Variants in NLRC5 observed in about 807,000 individuals in gnomAD.
NLRC5 encodes the protein NLR family CARD domain containing 5, also known as protein NLRC5.
A neutral mutation model predicts 206.9 loss-of-function variants in NLRC5; 114 were observed. That is an observed-to-expected ratio of 0.55 (90% CI 0.47 to 0.64). The LOEUF (loss-of-function observed/expected upper bound fraction) is 0.64, where lower values mean the gene tolerates loss of function less well. Ranked by LOEUF, NLRC5 falls within the 30% of genes least tolerant of loss-of-function variation. The probability of loss-of-function intolerance (pLI) is 0.00; values close to 1 mark genes in which losing one functional copy is unlikely to be tolerated. For synonymous variants in NLRC5, 952 were observed against 962.8 expected (o/e 0.99, Z 0.21); for missense variants, 2,008 against 2,305.5 (o/e 0.87, Z 2.64).
intron 1 of NLRC5, among the ~76,000 whole-genome samples, chr16:56,997,735 C>G (rs138544153): frequency 2.8e-4 from 42 of 152,164 alleles, no homozygotes; most frequent in Middle Eastern, 3.4e-3. Flanking sequence ...CACACGACAC[C>G]ATGCCTGGCT....
intron 1 of NLRC5, chr16:56,991,946 G>C (rs1481679978): frequency 6.6e-6 from 1 of 152,210 alleles, no homozygotes; most frequent in African/African-American, 2.4e-5. Flanking sequence ...TGAAGATGAG[G>C]TCATACTGGA....
intron 16 of NLRC5, among the ~76,000 whole-genome samples, 154 bp downstream of exon 16, chr16:57,040,003 C>T (rs2063083417): frequency 1.3e-5 from 2 of 152,094 alleles, no homozygotes; most frequent in Non-Finnish European, 1.5e-5. Context: ...AAGGATGCAG[C>T]CCCAAAGGGG....
At chr16:57,054,267 A>G (rs1253261799) in intron 24 of NLRC5, among the ~76,000 whole-genome samples, 1 of 152,156 alleles carries the variant, frequency 6.6e-6, no homozygotes, top group Admixed American at 6.5e-5. Flanking sequence ...GAGAGCCCAC[A>G]ACAAAGAATT....
In NLRC5 at chr16:57,041,172, CTGTTT is replaced by C. The variant is rs2063233784; in HGVS notation, c.2940-311_2940-307del. 4 of 400,006 alleles carry C rather than the reference CTGTTT, an allele frequency of 1.0e-5. No individual in the cohort carries two copies. In the South Asian group the frequency reaches 1.3e-4, roughly 13 times the overall value. 24.8% of individuals were successfully genotyped at this position (400,006 alleles called of 1,614,324 possible). A position where few individuals can be genotyped will look rare whatever the true frequency, so the allele number is the denominator to read the frequency against. On this transcript the variant is annotated intron_variant, in intron 17 of 48. Coordinates refer to ENST00000688547, the MANE Select transcript of NLRC5 (RefSeq NM_001384950.1). ...TTCTTCCCTCTCTCATCGTGTATTT[CTGTTT>C]TATCAGTTTATTTAACTGTTATTTC...
chr16:57,041,242 A>C, intron 17 of NLRC5: 1 of 519,330 alleles, frequency 1.9e-6, no homozygotes, highest in South Asian at 2.4e-5. Context: ...TCTCTCTCTG[A>C]GGTCTCTGTG....
At chr16:57,042,107 G>T (rs759212122) in intron 19 of NLRC5, 42 bp downstream of exon 19, 42 of 1,308,572 alleles carry the variant, frequency 3.2e-5, no homozygotes, top group South Asian at 1.9e-4. Flanking sequence ...CTGGGGCAGG[G>T]GGGGAGCATT....
At chr16:57,051,852 C>T (rs530899838) in intron 24 of NLRC5, among the ~76,000 whole-genome samples, 1 of 152,088 alleles carries the variant, frequency 6.6e-6, no homozygotes, top group Admixed American at 6.6e-5. Flanking sequence ...CCTCAGGGGG[C>T]GTCGTTTGCC....
chr16:57,048,225 G>C (rs1454771275), intron 23 of NLRC5: 1 of 152,876 alleles, frequency 6.5e-6, no homozygotes, highest in East Asian at 1.9e-4. Flanking sequence ...GACAAAACCT[G>C]CCTCACCTAA....
At chr16:57,011,786 G>C (rs1597139037) in intron 1 of NLRC5, among the ~76,000 whole-genome samples, 1 of 151,058 alleles carries the variant, frequency 6.6e-6, no homozygotes, top group Non-Finnish European at 1.5e-5. Context: ...TTCCCAGTTT[G>C]TTGCTTTCGT....
At chr16:57,045,634 A>C in intron 21 of NLRC5, 142 bp downstream of exon 21, 1 of 687,094 alleles carries the variant, frequency 1.5e-6, no homozygotes, top group Non-Finnish European at 2.6e-6. Context: ...TTTAATCACC[A>C]CTTCAGTAAC....
chr16:57,079,113 C>T lies in NLRC5; in HGVS notation c.5145C>T (p.Ser1715=). The T allele has an allele frequency of 6.2e-7, 1 of 1,614,138 alleles. No individual in the cohort carries two copies. The change falls in exon 44 of 49, where the codon TCC becomes TCT. Residue 1715 remains serine, a synonymous_variant. Transcript: ENST00000688547. ...GCCTGGCCCAGGCCCTGGATGGATC[C>T]CCCCATTTGGAAGAGATCAGGTAAG... ...ALSLAQALDG[S]PHLEEISLAE...
intron 47 of NLRC5, 24 bp from the exon 48 acceptor site, chr16:57,081,503 C>T: frequency 1.2e-6 from 2 of 1,608,942 alleles, no homozygotes; most frequent in Non-Finnish European, 1.7e-6. Flanking sequence ...TCTCTTTCCC[C>T]TCCCCTCACT....
intron 1 of NLRC5, chr16:56,992,461 A>G (rs7189102): frequency 1.4e-3 from 209 of 150,860 alleles, no homozygotes; most frequent in African/African-American, 4.6e-3. Flanking sequence ...TATTTTATTT[A>G]TTTATTTATT....
intron 34 of NLRC5, 58 bp from the exon 35 acceptor site, chr16:57,067,329 T>G: frequency 1.4e-6 from 2 of 1,398,902 alleles, no homozygotes; most frequent in Non-Finnish European, 2.0e-6. Flanking sequence ...AGGCAGATAC[T>G]GAATCCCACA....
chr16:57,021,111 C>T (rs2060622831), intron 3 of NLRC5, 104 bp downstream of exon 3: 2 of 991,962 alleles, frequency 2.0e-6, no homozygotes, highest in African/African-American at 3.2e-5. Flanking sequence ...AGGGTGTAGC[C>T]CAGCCACGAT....
chr16:57,077,392 C>T lies in NLRC5; in HGVS notation c.4919+13C>T, dbSNP rs1351178734. 3 of 1,612,214 alleles carry T rather than the reference C, an allele frequency of 1.9e-6. No individual in the cohort carries two copies. The highest frequency in any genetic ancestry group is 1.7e-6 in the Non-Finnish European group (2 of 1,178,586). ...TCAGGAAGATAGAGTGAGTAGCCAGCCCTACAGAGGAGGGCCACAGGGGTC... is the reference window on the plus strand; with the variant it reads ...TCAGGAAGATAGAGTGAGTAGCCAGTCCTACAGAGGAGGGCCACAGGGGTC... On this transcript the variant is annotated intron_variant, in intron 41 of 48. Coordinates refer to ENST00000688547, the MANE Select transcript of NLRC5 (RefSeq NM_001384950.1).
chr16:57,047,858 C>G (rs2064214366), intron 23 of NLRC5: 2 of 577,672 alleles, frequency 3.5e-6, no homozygotes, highest in Admixed American at 3.0e-5. Context: ...ACTGGGGAAG[C>G]CTTCACCTGC....
intron 20 of NLRC5, chr16:57,043,899 T>A (rs80101599): frequency 1.2e-5 from 1 of 81,976 alleles, no homozygotes; most frequent in Middle Eastern, 3.5e-3. Flanking sequence ...TTTTTTAGGA[T>A]TTTTTTTTTA....
At chr16:57,079,817 G>A (rs887745722) in intron 46 of NLRC5, among the ~76,000 whole-genome samples, 188 bp downstream of exon 46, 1 of 152,224 alleles carries the variant, frequency 6.6e-6, no homozygotes, top group Non-Finnish European at 1.5e-5. Context: ...CACTTGAGCT[G>A]CAGGTAATGT....
Sources: gnomAD v4.1 joint callset for allele counts (sites outside exome capture counted in the v4.1 genomes callset) on GRCh38, gnomAD v4.1.1 for gene constraint, MANE v1.5 for transcripts, NCBI Gene and HGNC (gene_info 2026-07-23, HGNC 2026-07-21) for gene names.